TTLL12: variants seen among roughly 807,000 people sequenced by gnomAD.
TTLL12 encodes the protein tubulin--tyrosine ligase-like protein 12.
In TTLL12, 77 loss-of-function variants were observed where a neutral mutation model predicts 79.6. The observed-to-expected ratio is 0.97, with a 90% CI of 0.81 to 1.17. The LOEUF (loss-of-function observed/expected upper bound fraction) is 1.17, where lower values mean the gene tolerates loss of function less well. Ranked by LOEUF, TTLL12 falls within the 50% of genes most tolerant of loss-of-function variation. The probability of loss-of-function intolerance (pLI) is 0.00; values close to 1 mark genes in which losing one functional copy is unlikely to be tolerated. For missense variants in TTLL12, 969 were observed against 895.9 expected, an observed-to-expected ratio of 1.08 and a Z score of -1.04; for synonymous variants, 437 against 376.1, an observed-to-expected ratio of 1.16 and a Z score of -1.87.
chr22:43,176,840 A>AC (rs1931928634), intron 5 of TTLL12, among the ~76,000 whole-genome samples: 1 of 150,032 alleles, frequency 6.7e-6, no homozygotes, highest in Admixed American at 6.6e-5. Flanking sequence ...CCCTCCCAAC[A>AC]CCCCAAAGCC....
chr22:43,186,144 G>A (rs1159960293), intron 1 of TTLL12: 1 of 282,312 alleles, frequency 3.5e-6, no homozygotes, highest in Non-Finnish European at 5.3e-6. Flanking sequence ...TCTCCGTCCG[G>A]GAGACAGCAC....
chr22:43,169,517 GA>G lies in TTLL12; in HGVS notation c.1626del (p.Trp544GlyfsTer44). Reference sequence around the variant, plus strand: ...GGAATTACCTGGACGTCCGTCCAGGGAAATTCTGGGTATTGCTTCTCAAACT... The same window carrying G: ...GGAATTACCTGGACGTCCGTCCAGGGAATTCTGGGTATTGCTTCTCAAACT... ...IPEFEKQYPEFPWTDVQAEIF... is the reference protein window; with the variant it reads ...IPEFEKQYPEXPWTDVQAEIF... On this transcript the variant is annotated frameshift_variant, in exon 12 of 14. Coordinates refer to ENST00000216129, the MANE Select transcript of TTLL12 (RefSeq NM_015140.4). LOFTEE classifies it high-confidence loss of function. 1.2e-6 allele frequency: 2 copies of G among 1,606,054 alleles called. No homozygotes were observed.
At chr22:43,178,470 C>T (rs1044446988) in intron 5 of TTLL12, among the ~76,000 whole-genome samples, 3 of 152,100 alleles carry the variant, frequency 2.0e-5, no homozygotes, top group South Asian at 2.1e-4. Context: ...TACAGGTGCC[C>T]GCCACCACGC....
At chr22:43,186,558 CTCT>C (rs1932190251) in intron 1 of TTLL12, among the ~76,000 whole-genome samples, 1 of 152,220 alleles carries the variant, frequency 6.6e-6, no homozygotes, top group Non-Finnish European at 1.5e-5. Flanking sequence ...TCTGAAGGGA[CTCT>C]CGGAGCCGCA....
intron 1 of TTLL12, among the ~76,000 whole-genome samples, chr22:43,185,077 A>T (rs953753054): frequency 6.6e-6 from 1 of 151,254 alleles, no homozygotes; most frequent in African/African-American, 2.4e-5. Context: ...AAAATACAAA[A>T]ATTAGCTGGG....
chr22:43,179,757 G>A lies in TTLL12; in HGVS notation c.707-5C>T, dbSNP rs754224950. 8.3e-6 allele frequency: 13 copies of A among 1,560,310 alleles called. No individual in the cohort carries two copies. The Admixed American group carries it at 1.9e-4, about 23-fold the overall frequency. On this transcript the variant is annotated splice_region_variant and splice_polypyrimidine_tract_variant and intron_variant, in intron 4 of 13. Coordinates refer to ENST00000216129, the MANE Select transcript of TTLL12 (RefSeq NM_015140.4). ...CAAAGTCTCGGGTCACCTCCTCTGT[G>A]CCAAGACATGAGTGCCCATCAGAGG...
In TTLL12 at chr22:43,167,914, G is replaced by A; in HGVS notation, c.*94C>T. ...GGGGCTGAGGCTATGCCCAGGGCCG[G>A]TGTGGGGAGGGACATGGGGGCCTTT... is the stretch of plus-strand genomic sequence containing the variant. On this transcript the variant is annotated 3_prime_UTR_variant, in exon 14 of 14. Coordinates refer to ENST00000216129, the MANE Select transcript of TTLL12 (RefSeq NM_015140.4). 1 of 1,491,764 alleles carries A rather than the reference G, an allele frequency of 6.7e-7. No individual in the cohort carries two copies. The highest frequency in any genetic ancestry group is 1.8e-5 in the Admixed American group (1 of 54,648). The allele number at this position is 1,491,764 out of a possible 1,614,324, so 92.4% of individuals were successfully genotyped here. A position where few individuals can be genotyped will look rare whatever the true frequency, so the allele number is the denominator to read the frequency against.
chr22:43,176,066 C>T (rs1471238893), intron 6 of TTLL12, among the ~76,000 whole-genome samples: 2 of 149,276 alleles, frequency 1.3e-5, no homozygotes, highest in African/African-American at 2.5e-5. Flanking sequence ...GCCTGGGTGA[C>T]AGAGACAGAC....
Position 43,180,899 on chromosome 22 carries a change from T to C in TTLL12, c.389A>G (p.His130Arg), listed in dbSNP as rs1471407938. The C allele has an allele frequency of 6.2e-7, 1 of 1,612,640 alleles. No homozygotes were observed. ...IDHAWTCRVE[H>R]ARQQLQQVPG... is the part of the protein sequence containing the mutation. Reference sequence around the variant, plus strand: ...CACCTGCTGCAGCTGCTGGCGCGCGTGCTCCACACGGCACGTCCAGGCGTG... The same window carrying C: ...CACCTGCTGCAGCTGCTGGCGCGCGCGCTCCACACGGCACGTCCAGGCGTG... The change falls in exon 3 of 14, where the codon CAC becomes CGC. Residue 130 changes from histidine to arginine, a missense_variant. By Grantham distance (29) the His-to-Arg change is conservative. Coordinates refer to ENST00000216129, the MANE Select transcript of TTLL12 (RefSeq NM_015140.4).
intron 11 of TTLL12, among the ~76,000 whole-genome samples, chr22:43,171,006 T>C (rs1305830734): frequency 6.6e-6 from 1 of 152,166 alleles, no homozygotes; most frequent in Non-Finnish European, 1.5e-5. Context: ...ACCAAAGACA[T>C]GCCTGGGAAT....
At chr22:43,172,064 C>T (rs1931781331) in intron 10 of TTLL12, among the ~76,000 whole-genome samples, 164 bp from the exon 11 acceptor site, 1 of 152,190 alleles carries the variant, frequency 6.6e-6, no homozygotes, top group Non-Finnish European at 1.5e-5. Flanking sequence ...CTGGGGGAGC[C>T]CCACAGCCCC....
chr22:43,185,250 TATATATATATATATATATATATATATA>T (rs1300151691), intron 1 of TTLL12, among the ~76,000 whole-genome samples: 10 of 334 alleles, frequency 0.03, 1 homozygote, highest in Admixed American at 0.05. Flanking sequence ...AAAAAAATTA[TATATATATATATATATATATATATATA>T]TATATATATA....
Position 43,179,691 on chromosome 22 carries a change from C to A in TTLL12, c.768G>T (p.Leu256=). ...GCATGTCGGTGGGGGCCCAGGGCAGCAGCATGCACTTCCGGATCAGGGGGT... is the reference window on the plus strand; with the variant it reads ...GCATGTCGGTGGGGGCCCAGGGCAGAAGCATGCACTTCCGGATCAGGGGGT... The part of the protein sequence containing the change: ...ETDPLIRKCM[L]LPWAPTDMLD... Residue 256 remains leucine (L), a synonymous_variant, in exon 5 of 14, where the codon CTG becomes CTT. Coordinates refer to ENST00000216129, the MANE Select transcript of TTLL12 (RefSeq NM_015140.4). 3 of 1,571,796 alleles carry A rather than the reference C, an allele frequency of 1.9e-6. No homozygotes were observed. The highest frequency in any genetic ancestry group is 2.6e-6 in the Non-Finnish European group (3 of 1,160,366).
At position 43,173,718 on chromosome 22, in the gene TTLL12, G is replaced by A; in HGVS notation, c.1338C>T (p.Pro446=). The part of the protein sequence containing the change: ...HSIIRHREST[P]KVVSKYIESP... ...GCTCCTGGTCTGCGGGGCCCACCTT[G>A]GGGGTGCTCTCTCGGTGCCGGATGA... The change falls in exon 9 of 14, where the codon CCC becomes CCT. Residue 446 remains proline, a synonymous_variant. Transcript: ENST00000216129. 2 of 1,601,324 alleles carry A rather than the reference G, an allele frequency of 1.2e-6. No homozygotes were observed. Among genetic ancestry groups the A allele is most frequent in the Non-Finnish European group, 1.7e-6 (2 of 1,179,750 alleles).
chr22:43,185,247 TTATATATATATATATATA>T (rs3985927), intron 1 of TTLL12, among the ~76,000 whole-genome samples: 6,428 of 115,708 alleles, frequency 0.056, 369 homozygotes, highest in Non-Finnish European at 0.06. Context: ...AAGAAAAAAA[TTATATATATATATATATA>T]TATATATATA....
chr22:43,180,928 G>A lies in TTLL12; in HGVS notation c.360C>T (p.Ile120=), dbSNP rs1224808049. The A allele has an allele frequency of 5.0e-6, 8 of 1,610,978 alleles. No homozygotes were observed. Among genetic ancestry groups the A allele is most frequent in the Admixed American group, 1.7e-5 (1 of 59,920 alleles). Residue 120 remains isoleucine, a synonymous_variant, in exon 3 of 14, where the codon ATC becomes ATT. Coordinates refer to ENST00000216129, the MANE Select transcript of TTLL12 (RefSeq NM_015140.4). Reference sequence around the variant, plus strand: ...CCACACGGCACGTCCAGGCGTGGTCGATGAGGAAGATGCTGCGGGCACAGG... The same window carrying A: ...CCACACGGCACGTCCAGGCGTGGTCAATGAGGAAGATGCTGCGGGCACAGG... The part of the protein sequence containing the change: ...QAAHPNSIFL[I]DHAWTCRVEH...
At chr22:43,180,721 G>C (rs200438025) in intron 3 of TTLL12, 21 bp downstream of exon 3, 2 of 1,611,412 alleles carry the variant, frequency 1.2e-6, no homozygotes, top group Non-Finnish European at 1.7e-6. Flanking sequence ...CCCCCTCCCC[G>C]GGGCCCAGCT....
chr22:43,168,827 G>A lies in TTLL12; in HGVS notation c.1730C>T (p.Ser577Phe). The A allele has an allele frequency of 6.3e-7, 1 of 1,595,302 alleles. No individual in the cohort carries two copies. The highest frequency in any genetic ancestry group is 8.5e-7 in the Non-Finnish European group (1 of 1,171,502). Residue 577 changes from serine to phenylalanine, a missense_variant, in exon 13 of 14, where the codon TCC (serine) becomes TTC (phenylalanine). By Grantham distance (155) the Ser-to-Phe change is radical. Coordinates refer to ENST00000216129, the MANE Select transcript of TTLL12 (RefSeq NM_015140.4). ...PPLGLCDYPS[S>F]RAMYAVDLML... ...GAGGTCGACGGCATACATGGCCCGG[G>A]ATGAGGGGTAGTCGCAGAGGCCCAG...
At chr22:43,176,755 G>C (rs200953825) in intron 5 of TTLL12, among the ~76,000 whole-genome samples, 4 of 136,292 alleles carry the variant, frequency 2.9e-5, no homozygotes, top group Admixed American at 7.3e-5. Flanking sequence ...AAAAAAAAAG[G>C]AAAAGAAGGA....
Sources: allele counts gnomAD v4.1 joint callset (sites outside exome capture counted in the v4.1 genomes callset), GRCh38; gene constraint gnomAD v4.1.1; transcripts MANE v1.5; gene names NCBI Gene and HGNC (gene_info 2026-07-23, HGNC 2026-07-21).